The following DMXL2 variants were observed in gnomAD, a reference collection of about 807,000 sequenced individuals.
DMXL2 encodes the protein dmX-like protein 2.
DMXL2 carries 103 observed loss-of-function variants against 331.1 expected under a neutral mutation model. That is an observed-to-expected ratio of 0.31 (90% CI 0.27 to 0.37). The LOEUF (loss-of-function observed/expected upper bound fraction) is 0.37, where lower values mean the gene tolerates loss of function less well. Among genes scored for constraint, DMXL2 ranks in the 10% least tolerant of loss-of-function variants. The pLI, the probability that DMXL2 is intolerant of heterozygous loss-of-function variation, is 1.00. For synonymous variants in DMXL2, 1,281 were observed against 1,252.1 expected, an observed-to-expected ratio of 1.02 and a Z score of -0.49; for missense variants, 3,171 against 3,642.9, an observed-to-expected ratio of 0.87 and a Z score of 3.33.
At position 51,458,759 on chromosome 15, in the gene DMXL2, T is replaced by A; in HGVS notation, c.8026A>T (p.Lys2676Ter). ...ADLGYPGGKA[K>*]VIHKESDMIM... ...ATATCAGATTCCTTATGGATGACTT[T>A]CGCCTTTCCACCTGGATAGCCCAGA... The change falls in exon 35 of 44, where the codon AAA (lysine) becomes TAA (stop). Residue 2676 changes from lysine to a stop codon, truncating the protein, a stop_gained. Coordinates refer to ENST00000560891, the MANE Select transcript of DMXL2 (RefSeq NM_001378457.1). LOFTEE classifies it high-confidence loss of function. The A allele has an allele frequency of 6.2e-7, 1 of 1,614,046 alleles. No homozygotes were observed. The highest frequency in any genetic ancestry group is 8.5e-7 in the Non-Finnish European group (1 of 1,179,956).
In DMXL2 at chr15:51,481,584, T is replaced by C; in HGVS notation, c.5522A>G (p.Tyr1841Cys). ...CAAAGGATGAGTTCGAAGGTAGTTATAAAAACTAAATGCCACCGGGTTACA... is the reference window on the plus strand; with the variant it reads ...CAAAGGATGAGTTCGAAGGTAGTTACAAAAACTAAATGCCACCGGGTTACA... Reference protein sequence around the residue: ...KSCNPVAFSFYNYLRTHPLLI... With the variant: ...KSCNPVAFSFCNYLRTHPLLI... Residue 1841 changes from tyrosine (Y) to cysteine (C), a missense_variant, in exon 24 of 44, where the codon TAT (tyrosine) becomes TGT (cysteine). By Grantham distance (194) the Tyr-to-Cys change is radical. Coordinates refer to ENST00000560891, the MANE Select transcript of DMXL2 (RefSeq NM_001378457.1). 6.3e-7 allele frequency: 1 copy of C among 1,576,078 alleles called. No individual in the cohort carries two copies. Among genetic ancestry groups the C allele is most frequent in the Non-Finnish European group, 8.6e-7 (1 of 1,166,072 alleles).
chr15:51,519,213 C>T (rs901074797), intron 13 of DMXL2, among the ~76,000 whole-genome samples: 2 of 151,936 alleles, frequency 1.3e-5, no homozygotes, highest in African/African-American at 2.4e-5. Flanking sequence ...AACTCCTGGG[C>T]TCAAGTGGTC....
chr15:51,537,934 A>G (rs1456190226), intron 10 of DMXL2, among the ~76,000 whole-genome samples, 175 bp from the exon 11 acceptor site: 1 of 152,224 alleles, frequency 6.6e-6, no homozygotes, highest in Non-Finnish European at 1.5e-5. Flanking sequence ...TACTACTTTT[A>G]GATAAATTAA....
intron 1 of DMXL2, among the ~76,000 whole-genome samples, chr15:51,590,222 T>G (rs192086834): frequency 1.3e-4 from 20 of 152,342 alleles, no homozygotes; most frequent in Non-Finnish European, 2.4e-4. Flanking sequence ...CAGATTCTAC[T>G]TCCTAGATAT....
At chr15:51,490,935 T>C (rs1303402425) in intron 20 of DMXL2, among the ~76,000 whole-genome samples, 1 of 152,214 alleles carries the variant, frequency 6.6e-6, no homozygotes, top group Non-Finnish European at 1.5e-5. Context: ...AAGAGTTTTT[T>C]AATGTATTGT....
intron 23 of DMXL2, among the ~76,000 whole-genome samples, chr15:51,481,853 A>G (rs2042038036): frequency 6.6e-6 from 1 of 152,236 alleles, no homozygotes; most frequent in Non-Finnish European, 1.5e-5. Context: ...TCCAGGATAC[A>G]CTAAGAAAAA....
Position 51,480,629 on chromosome 15 carries a change from G to C in DMXL2, c.6477C>G (p.Leu2159=). 1.9e-6 allele frequency: 3 copies of C among 1,608,732 alleles called. No individual in the cohort carries two copies. The South Asian group carries it at 3.3e-5, about 18-fold the overall frequency. The change falls in exon 24 of 44, where the codon CTC becomes CTG. Residue 2159 remains leucine (L), a synonymous_variant. Coordinates refer to ENST00000560891, the MANE Select transcript of DMXL2 (RefSeq NM_001378457.1). The part of the protein sequence containing the change: ...QKNQDLLRVF[L]SYCSLHGAQG... ...GGGCCCCATGAAGGCTACAGTAGCT[G>C]AGAAATACTCTCAGGAGATCTTGGT...
chr15:51,495,580 C>G (rs898993615), intron 18 of DMXL2, among the ~76,000 whole-genome samples: 2 of 152,082 alleles, frequency 1.3e-5, no homozygotes, highest in African/African-American at 2.4e-5. Flanking sequence ...GTTAAATTAA[C>G]TGAAATATGG....
chr15:51,494,298 A>G (rs2043009781), intron 19 of DMXL2, among the ~76,000 whole-genome samples: 1 of 152,216 alleles, frequency 6.6e-6, no homozygotes, highest in Non-Finnish European at 1.5e-5. Flanking sequence ...CATGGGTAAG[A>G]ATAACAGTGT....
chr15:51,493,569 T>A (rs1331334842), intron 19 of DMXL2, among the ~76,000 whole-genome samples: 1 of 152,184 alleles, frequency 6.6e-6, no homozygotes, highest in South Asian at 2.1e-4. Flanking sequence ...AGCTTTTCTA[T>A]CTATGTACTG....
At chr15:51,474,703 T>C in intron 27 of DMXL2, 111 bp from the exon 28 acceptor site, 1 of 1,190,780 alleles carries the variant, frequency 8.4e-7, no homozygotes, top group Non-Finnish European at 1.1e-6. Flanking sequence ...TTACAAAATA[T>C]TTCCATAATT....
intron 6 of DMXL2, among the ~76,000 whole-genome samples, chr15:51,553,994 G>A (rs1482371953): frequency 3.9e-5 from 6 of 152,110 alleles, no homozygotes; most frequent in African/African-American, 1.2e-4. Flanking sequence ...AACTGTACAT[G>A]AGTCAAGGAA....
intron 2 of DMXL2, among the ~76,000 whole-genome samples, chr15:51,572,125 C>T (rs7168546): frequency 0.48 from 72,795 of 151,614 alleles, 17,781 homozygotes; most frequent in Non-Finnish European, 0.52. Flanking sequence ...CCCACAGAAA[C>T]ACAAACTACC....
chr15:51,564,329 T>G (rs1237231000), intron 4 of DMXL2, 69 bp from the exon 5 acceptor site: 122 of 1,187,180 alleles, frequency 1.0e-4, no homozygotes, highest in Non-Finnish European at 6.8e-6. Context: ...CATGGGCTTC[T>G]GTTTAGATCT....
chr15:51,609,872 G>A (rs1433122484), intron 1 of DMXL2, among the ~76,000 whole-genome samples: 1 of 151,780 alleles, frequency 6.6e-6, no homozygotes, highest in East Asian at 1.9e-4. Flanking sequence ...GGAGGTTGCA[G>A]TGAGCAGAGA....
intron 41 of DMXL2, among the ~76,000 whole-genome samples, chr15:51,451,966 T>C (rs559130381): frequency 6.6e-6 from 1 of 152,282 alleles, no homozygotes; most frequent in East Asian, 1.9e-4. Flanking sequence ...TTCCTGAGTA[T>C]AAGGAATGCT....
At chr15:51,508,529 C>T (rs2046551095) in intron 15 of DMXL2, among the ~76,000 whole-genome samples, 1 of 152,142 alleles carries the variant, frequency 6.6e-6, no homozygotes, top group South Asian at 2.1e-4. Context: ...AAAATGACTG[C>T]AACTGACTGA....
rs150142883 is a variant in DMXL2 at position 51,447,823 on chromosome 15, A to G, written c.*1161T>C. ...AATAACATTTATTTTTCTTTTACAT[A>G]TATATTTCACAGCCTGAACATCACA... On this transcript the variant is annotated 3_prime_UTR_variant, in exon 44 of 44. Transcript: ENST00000560891. 5.7e-4 allele frequency: 87 copies of G among 152,776 alleles called. No homozygotes were observed. Among genetic ancestry groups the G allele is most frequent in the African/African-American group, 1.9e-3 (81 of 41,578 alleles). The allele number at this position is 152,776 out of a possible 1,614,324, so 9.5% of individuals were successfully genotyped here. A position where few individuals can be genotyped will look rare whatever the true frequency, so the allele number is the denominator to read the frequency against.
At chr15:51,485,105 G>C (rs1329078117) in intron 23 of DMXL2, among the ~76,000 whole-genome samples, 2 of 151,262 alleles carry the variant, frequency 1.3e-5, no homozygotes, top group South Asian at 2.1e-4. Context: ...GGATTTATGG[G>C]ACACTATTAA....
Sources: allele counts gnomAD v4.1 joint callset (sites outside exome capture counted in the v4.1 genomes callset), GRCh38; gene constraint gnomAD v4.1.1; transcripts MANE v1.5; gene names NCBI Gene and HGNC (gene_info 2026-07-23, HGNC 2026-07-21).